Variants in APBA1 observed in about 807,000 individuals in gnomAD.
APBA1 encodes the protein amyloid-beta A4 precursor protein-binding family A member 1.
A neutral mutation model predicts 86.6 loss-of-function variants in APBA1; 55 were observed. That is an observed-to-expected ratio of 0.64 (90% CI 0.51 to 0.80). The LOEUF (loss-of-function observed/expected upper bound fraction) is 0.80, where lower values mean the gene tolerates loss of function less well. APBA1 is among the 30% of genes least tolerant of loss of function. The probability of loss-of-function intolerance (pLI) is 0.00; values close to 1 mark genes in which losing one functional copy is unlikely to be tolerated. For synonymous variants in APBA1, 511 were observed against 493.9 expected (o/e 1.03, Z -0.46); for missense variants, 1,090 against 1,183.0 (o/e 0.92, Z 1.15).
intron 11 of APBA1, among the ~76,000 whole-genome samples, chr9:69,434,563 C>T (rs763913309): frequency 2.6e-5 from 4 of 152,032 alleles, no homozygotes; most frequent in Middle Eastern, 3.4e-3. Flanking sequence ...AAAAATTAGC[C>T]GGGCGTGGTG....
At chr9:69,601,591 T>G (rs781100102) in intron 1 of APBA1, among the ~76,000 whole-genome samples, 1 of 152,234 alleles carries the variant, frequency 6.6e-6, no homozygotes, top group African/African-American at 2.4e-5. Context: ...TAATCTGTTT[T>G]GACAAAGTTT....
At chr9:69,440,860 G>C in intron 11 of APBA1, 136 bp downstream of exon 11, 3 of 1,153,364 alleles carry the variant, frequency 2.6e-6, no homozygotes, top group Non-Finnish European at 3.7e-6. Context: ...GAAATTACCC[G>C]TCTTCTGCAT....
At chr9:69,515,983 G>C (rs1203674893) in intron 2 of APBA1, 28 bp downstream of exon 2, 5 of 1,501,122 alleles carry the variant, frequency 3.3e-6, no homozygotes, top group Middle Eastern at 1.8e-4. Context: ...GCGTGGGGCC[G>C]AGGAAGCCCA....
At chr9:69,452,840 A>G (rs915854570) in intron 8 of APBA1, among the ~76,000 whole-genome samples, 2 of 152,244 alleles carry the variant, frequency 1.3e-5, no homozygotes, top group Non-Finnish European at 2.9e-5. Context: ...TGGAAAATCA[A>G]CATCAGCGCT....
At chr9:69,440,159 A>G (rs1253804411) in intron 11 of APBA1, among the ~76,000 whole-genome samples, 3 of 152,162 alleles carry the variant, frequency 2.0e-5, no homozygotes, top group Non-Finnish European at 4.4e-5. Flanking sequence ...GTCTCAGAGG[A>G]GTACCCGGCT....
At chr9:69,490,679 G>A (rs1365795791) in intron 2 of APBA1, among the ~76,000 whole-genome samples, 11 of 151,992 alleles carry the variant, frequency 7.2e-5, no homozygotes, top group Non-Finnish European at 1.3e-4. Context: ...CCTACAGAAT[G>A]GGAGAAAATT....
At chr9:69,628,610 C>A (rs1822978972) in intron 1 of APBA1, among the ~76,000 whole-genome samples, 2 of 152,130 alleles carry the variant, frequency 1.3e-5, no homozygotes, top group South Asian at 4.1e-4. Flanking sequence ...TATCTATTAG[C>A]TTTCTAGAGG....
At chr9:69,658,325 TC>T (rs1823676843) in intron 1 of APBA1, among the ~76,000 whole-genome samples, 1 of 135,612 alleles carries the variant, frequency 7.4e-6, no homozygotes, top group Non-Finnish European at 1.5e-5. Context: ...TTTCTTTCTT[TC>T]TTTCTTTCTT....
At chr9:69,650,179 A>C (rs1823469409) in intron 1 of APBA1, among the ~76,000 whole-genome samples, 1 of 152,192 alleles carries the variant, frequency 6.6e-6, no homozygotes, top group Non-Finnish European at 1.5e-5. Flanking sequence ...TATCTTGGGC[A>C]AGTCACTTAA....
At chr9:69,437,236 A>C (rs559529962) in intron 11 of APBA1, among the ~76,000 whole-genome samples, 8,921 of 151,164 alleles carry the variant, frequency 0.059, 1,073 homozygotes, top group African/African-American at 0.2. Context: ...GTCTAAAATT[A>C]TCTTTTTTGG....
chr9:69,523,477 GTATATATATATATATATATGTA>G (rs1192755417), intron 1 of APBA1, among the ~76,000 whole-genome samples: 1,448 of 80,496 alleles, frequency 0.018, 19 homozygotes, highest in African/African-American at 0.041. Flanking sequence ...ATATATATAT[GTATATATATATATATATATGTA>G]TATATATATA....
At chr9:69,491,138 A>G (rs1447145288) in intron 2 of APBA1, among the ~76,000 whole-genome samples, 1 of 152,148 alleles carries the variant, frequency 6.6e-6, no homozygotes. Context: ...TCATGCTGCT[A>G]TAAAGACACA....
intron 1 of APBA1, among the ~76,000 whole-genome samples, chr9:69,638,403 G>C (rs1448538673): frequency 6.6e-6 from 1 of 152,088 alleles, no homozygotes; most frequent in Non-Finnish European, 1.5e-5. Flanking sequence ...ACCATGCCCA[G>C]CTAATTTTTG....
chr9:69,646,447 T>A (rs1470250476), intron 1 of APBA1, among the ~76,000 whole-genome samples: 1 of 152,202 alleles, frequency 6.6e-6, no homozygotes, highest in Non-Finnish European at 1.5e-5. Context: ...TTCCTTGCCT[T>A]GGTCTGATGT....
In APBA1 at chr9:69,570,856, C is replaced by T. The variant is rs117865357; in HGVS notation, c.-69-53577G>A. Among the ~76,000 whole-genome samples, 264 of 152,250 alleles carry T rather than the reference C, an allele frequency of 1.7e-3. 2 individuals carry two copies. Among genetic ancestry groups the T allele is most frequent in the Middle Eastern group, 6.8e-3 (2 of 294 alleles). On this transcript the variant is annotated intron_variant, in intron 1 of 12. Coordinates refer to ENST00000265381, the MANE Select transcript of APBA1 (RefSeq NM_001163.4). ...TGATTACCAAAGCCTATGATTAGAACTTCCATTTTCCCTCTTGGTTTGTTT... is the reference window on the plus strand; with the variant it reads ...TGATTACCAAAGCCTATGATTAGAATTTCCATTTTCCCTCTTGGTTTGTTT...
intron 1 of APBA1, among the ~76,000 whole-genome samples, chr9:69,590,523 C>G (rs1199198964): frequency 6.6e-6 from 1 of 152,164 alleles, no homozygotes; most frequent in Non-Finnish European, 1.5e-5. Context: ...TCTGTGTGTG[C>G]AGATGGGAAA....
intron 11 of APBA1, among the ~76,000 whole-genome samples, chr9:69,439,243 G>C (rs1355436833): frequency 1.6e-5 from 2 of 126,898 alleles, no homozygotes; most frequent in South Asian, 6.2e-4. Context: ...TGGTGAATCT[G>C]ACAATTATGT....
rs542838442 is a variant in APBA1, at chr9:69,550,646, C to A, written c.-69-33367G>T. On this transcript the variant is annotated intron_variant, in intron 1 of 12. Coordinates refer to ENST00000265381, the MANE Select transcript of APBA1 (RefSeq NM_001163.4). The stretch of plus-strand genomic sequence containing the variant: ...TGAATAAAATGAACAAGGTCTTTGC[C>A]CTCATGGAACTTACCCTGAGGAGTT... Among the ~76,000 whole-genome samples, 8 of 152,226 alleles carry A rather than the reference C, an allele frequency of 5.3e-5. No homozygotes were observed. In the East Asian group the frequency reaches 1.5e-3, roughly 29 times the overall value.
At chr9:69,498,532 G>A (rs1835834468) in intron 2 of APBA1, among the ~76,000 whole-genome samples, 1 of 152,134 alleles carries the variant, frequency 6.6e-6, no homozygotes, top group Non-Finnish European at 1.5e-5. Flanking sequence ...TAAGAGCAGA[G>A]GAGGCTTGAA....
Sources: allele counts gnomAD v4.1 joint callset (sites outside exome capture counted in the v4.1 genomes callset), GRCh38; gene constraint gnomAD v4.1.1; transcripts MANE v1.5; gene names NCBI Gene and HGNC (gene_info 2026-07-23, HGNC 2026-07-21).